Variants in TENM4 observed in about 807,000 individuals in gnomAD.
TENM4 encodes teneurin-4.
A neutral mutation model predicts 243.3 loss-of-function variants in TENM4; 82 were observed. That is an observed-to-expected ratio of 0.34 (90% CI 0.28 to 0.40). The LOEUF (loss-of-function observed/expected upper bound fraction) is 0.40. Among genes scored for constraint, TENM4 ranks in the 10% least tolerant of loss-of-function variants. The pLI is 1.00. For missense variants in TENM4, 3,138 were observed against 3,673.3 expected (o/e 0.85, Z 3.77); for synonymous variants, 1,412 against 1,456.3 (o/e 0.97, Z 0.69).
At chr11:79,010,233 T>C (rs1858607672) in intron 6 of TENM4, among the ~76,000 whole-genome samples, 1 of 152,208 alleles carries the variant, frequency 6.6e-6, no homozygotes, top group Admixed American at 6.5e-5. Context: ...ATGATACTTT[T>C]CATGTGCCAA....
intron 13 of TENM4, among the ~76,000 whole-genome samples, chr11:78,812,545 A>G (rs1857522411): frequency 6.6e-6 from 1 of 152,224 alleles, no homozygotes; most frequent in African/African-American, 2.4e-5. Flanking sequence ...CAGGGTAGGT[A>G]TCCACTTAAC....
In TENM4 at chr11:79,107,908, A is replaced by G. The variant is rs534020628; in HGVS notation, c.-65-37899T>C. ...CTGAGGCCACACAGCCAGCTAAGTG[A>G]TAGCACTGGGATCTGAAGCCAGGTT... On this transcript the variant is annotated intron_variant, in intron 4 of 33. Coordinates refer to ENST00000278550, the MANE Select transcript of TENM4 (RefSeq NM_001098816.3). Among the ~76,000 whole-genome samples, 45 of 152,342 alleles carry G rather than the reference A, an allele frequency of 3.0e-4. No individual in the cohort carries two copies. The South Asian group carries it at 6.2e-3, about 21-fold the overall frequency.
At chr11:79,407,300 G>T (rs1420670501) in intron 1 of TENM4, among the ~76,000 whole-genome samples, 1 of 152,280 alleles carries the variant, frequency 6.6e-6, no homozygotes, top group African/African-American at 2.4e-5. Flanking sequence ...GATGCTGGAC[G>T]TCTTAATGAG....
At chr11:78,793,629 A>G (rs1591028346) in intron 15 of TENM4, among the ~76,000 whole-genome samples, 6 of 152,364 alleles carry the variant, frequency 3.9e-5, no homozygotes, top group Admixed American at 3.9e-4. Flanking sequence ...AATAGTCAGC[A>G]TTTGAGGCAA....
At position 79,196,951 on chromosome 11, in the gene TENM4, C is replaced by A. The variant is rs561532680; in HGVS notation, c.-163+18857G>T. ...CCTCCCTCAGCAAGGCTTATGGATG[C>A]GTGTTCAGCAGATGGCGCCTGGTCA... On this transcript the variant is annotated intron_variant, in intron 3 of 33. Transcript: ENST00000278550. 2.9e-4 allele frequency among the ~76,000 whole-genome samples: 44 copies of A among 152,280 alleles called. No homozygotes were observed. In the South Asian group the frequency reaches 8.3e-3, roughly 29 times the overall value.
chr11:78,701,971 C>T lies in TENM4; in HGVS notation c.4642G>A (p.Gly1548Arg), dbSNP rs1180840524. 1.2e-6 allele frequency: 2 copies of T among 1,614,032 alleles called. No homozygotes were observed. Among genetic ancestry groups the T allele is most frequent in the Non-Finnish European group, 8.5e-7 (1 of 1,179,900 alleles). ...TPSSLAVCAD[G>R]ELYVADLGNI... ...CCAAGGTCGGCCACGTAGAGCTCCC[C>T]ATCAGCACACACAGCCAAGGAAGAT... Residue 1548 changes from glycine to arginine, a missense_variant, in exon 28 of 34, where the codon GGG (glycine) becomes AGG (arginine). Around this residue, in one of 2 missense-constraint regions of TENM4, gnomAD observed 2,467 missense variants for 3,059.1 expected, o/e 0.81. Transcript: ENST00000278550.
intron 12 of TENM4, among the ~76,000 whole-genome samples, chr11:78,822,577 G>C (rs1857756972): frequency 6.6e-6 from 1 of 152,154 alleles, no homozygotes. Context: ...CTGTTGTGGG[G>C]TGGGTAGAGG....
chr11:79,057,025 G>T (rs997139022), intron 6 of TENM4, among the ~76,000 whole-genome samples: 7 of 152,298 alleles, frequency 4.6e-5, no homozygotes, highest in Middle Eastern at 3.4e-3. Context: ...ACAGGTACAG[G>T]TACTACCCTC....
chr11:78,844,645 A>G (rs1205917121), intron 12 of TENM4, among the ~76,000 whole-genome samples: 1 of 152,060 alleles, frequency 6.6e-6, no homozygotes, highest in African/African-American at 2.4e-5. Flanking sequence ...TGTCTAAAAA[A>G]AAAAAAAGGA....
At chr11:78,815,903 C>A (rs1462029766) in intron 12 of TENM4, among the ~76,000 whole-genome samples, 1 of 152,238 alleles carries the variant, frequency 6.6e-6, no homozygotes, top group Non-Finnish European at 1.5e-5. Flanking sequence ...CTTCGGGCTC[C>A]ACGCCTGGCC....
Position 78,986,595 on chromosome 11 carries a change from C to T in TENM4, c.493+78143G>A, listed in dbSNP as rs1421251718. Among the ~76,000 whole-genome samples the T allele has an allele frequency of 7.2e-5, 11 of 152,290 alleles. 1 individual carries two copies. In the South Asian group the frequency reaches 1.9e-3, roughly 26 times the overall value. On this transcript the variant is annotated intron_variant, in intron 6 of 33. Coordinates refer to ENST00000278550, the MANE Select transcript of TENM4 (RefSeq NM_001098816.3). Reference sequence around the variant, plus strand: ...TTGTTTGTTTTTTGAGACAGAGTCTCGCTCTGTCGTCCGCCTAGAGCGCAG... The same window carrying T: ...TTGTTTGTTTTTTGAGACAGAGTCTTGCTCTGTCGTCCGCCTAGAGCGCAG...
chr11:79,423,331 C>G (rs2135594230), intron 1 of TENM4, among the ~76,000 whole-genome samples: 1 of 151,874 alleles, frequency 6.6e-6, no homozygotes, highest in African/African-American at 2.4e-5. Context: ...AAACCGAGGC[C>G]CAGGGAAGTG....
chr11:78,908,869 C>A (rs2136344964), intron 6 of TENM4, among the ~76,000 whole-genome samples: 1 of 152,270 alleles, frequency 6.6e-6, no homozygotes, highest in East Asian at 1.9e-4. Flanking sequence ...ATTAAACAGC[C>A]CCTTGTTGTA....
intron 6 of TENM4, among the ~76,000 whole-genome samples, chr11:79,007,039 G>T (rs1858502853): frequency 6.6e-6 from 1 of 152,144 alleles, no homozygotes; most frequent in African/African-American, 2.4e-5. Context: ...TGCAGCAGAT[G>T]GCCTTTGGAC....
At position 79,059,998 on chromosome 11, in the gene TENM4, A is replaced by G. The variant is rs148489088; in HGVS notation, c.493+4740T>C. Among the ~76,000 whole-genome samples, 3 of 152,334 alleles carry G rather than the reference A, an allele frequency of 2.0e-5. No homozygotes were observed. In the East Asian group the frequency reaches 5.8e-4, roughly 29 times the overall value. ...CCTGCCTCCCTCACCGGTCATCTAG[A>G]GTCCACATCCTAGAATCATGCTGCA... On this transcript the variant is annotated intron_variant, in intron 6 of 33. Transcript: ENST00000278550.
chr11:79,077,782 T>A (rs1330416387), intron 4 of TENM4, among the ~76,000 whole-genome samples: 2 of 152,070 alleles, frequency 1.3e-5, no homozygotes, highest in African/African-American at 2.4e-5. Flanking sequence ...TAAAGTAACA[T>A]CCCTACATGG....
intron 2 of TENM4, among the ~76,000 whole-genome samples, chr11:79,287,606 C>G (rs915914145): frequency 6.6e-6 from 1 of 152,136 alleles, no homozygotes; most frequent in South Asian, 2.1e-4. Flanking sequence ...GGTTCCCCAA[C>G]AAGTAGGGTG....
chr11:79,213,291 C>T (rs1394908591), intron 3 of TENM4, among the ~76,000 whole-genome samples: 1 of 152,198 alleles, frequency 6.6e-6, no homozygotes, highest in Non-Finnish European at 1.5e-5. Flanking sequence ...TGAATCTTTA[C>T]AAAGTGCCTG....
Position 79,139,683 on chromosome 11 carries a change from G to A in TENM4, c.-66+9027C>T, listed in dbSNP as rs71476438. Reference sequence around the variant, plus strand: ...TATAAAATATATATATTTTATATAAGTATATAAAATATATATAATATTTAT... The same window carrying A: ...TATAAAATATATATATTTTATATAAATATATAAAATATATATAATATTTAT... On this transcript the variant is annotated intron_variant, in intron 4 of 33. Coordinates refer to ENST00000278550, the MANE Select transcript of TENM4 (RefSeq NM_001098816.3). 8.0e-4 allele frequency among the ~76,000 whole-genome samples: 43 copies of A among 53,974 alleles called. 4 individuals carry two copies. The highest frequency in any genetic ancestry group is 2.7e-3 in the African/African-American group (26 of 9,794). The allele number at this position is 53,974 out of a possible 152,430, so 35.4% of individuals were successfully genotyped here.
Sources: gnomAD v4.1 joint callset for allele counts (sites outside exome capture counted in the v4.1 genomes callset) on GRCh38, gnomAD v4.1.1 for gene constraint, gnomAD v4.1.1 regional missense constraint, MANE v1.5 for transcripts, NCBI Gene and HGNC (gene_info 2026-07-23, HGNC 2026-07-21) for gene names.